UGGT1: variants seen among roughly 807,000 people sequenced by gnomAD.
UGGT1 encodes UDP-glucose:glycoprotein glucosyltransferase 1.
In UGGT1, 107 loss-of-function variants were observed where a neutral mutation model predicts 203.9. The observed-to-expected ratio is 0.52, with a 90% CI of 0.45 to 0.62. The LOEUF is 0.62. Among genes scored for constraint, UGGT1 ranks in the 20% least tolerant of loss-of-function variants. The probability of loss-of-function intolerance (pLI) is 0.00; values close to 1 mark genes in which losing one functional copy is unlikely to be tolerated. For missense variants in UGGT1, 1,673 were observed against 1,867.2 expected, an observed-to-expected ratio of 0.90 and a Z score of 1.92; for synonymous variants, 628 against 653.5, an observed-to-expected ratio of 0.96 and a Z score of 0.59.
intron 16 of UGGT1, 129 bp from the exon 17 acceptor site, chr2:128,142,965 A>G (rs1689510861): frequency 1.9e-6 from 2 of 1,034,626 alleles, no homozygotes; most frequent in Admixed American, 6.8e-5. Flanking sequence ...GGGTGACAGC[A>G]AAACTCCGTC....
rs1553440941 is a variant in UGGT1 at position 128,150,668 on chromosome 2, C to CTGT, written c.2017-2115_2017-2114insGTT. 4.5e-3 allele frequency among the ~76,000 whole-genome samples: 611 copies of CTGT among 136,708 alleles called. 2 individuals carry two copies. Among genetic ancestry groups the CTGT allele is most frequent in the African/African-American group, 0.016 (582 of 36,872 alleles). The allele number at this position is 136,708 out of a possible 152,430, so 89.7% of individuals were successfully genotyped here. A position where few individuals can be genotyped will look rare whatever the true frequency, so the allele number is the denominator to read the frequency against. On this transcript the variant is annotated intron_variant, in intron 18 of 40. Transcript: ENST00000259253. ...ATTATTTATTTTTTTTAATTAATAACTTTTTTTTTTTTTTTTACAAATGTT... is the reference window on the plus strand; with the variant it reads ...ATTATTTATTTTTTTTAATTAATAACTGTTTTTTTTTTTTTTTTTACAAATGTT...
intron 40 of UGGT1, among the ~76,000 whole-genome samples, chr2:128,189,048 T>C (rs1407954447): frequency 1.3e-5 from 2 of 152,168 alleles, no homozygotes; most frequent in African/African-American, 4.8e-5. Context: ...GAAACAGTAA[T>C]CAAATTAAAG....
chr2:128,101,473 T>C (rs546830363), intron 2 of UGGT1, among the ~76,000 whole-genome samples: 4 of 152,330 alleles, frequency 2.6e-5, no homozygotes, highest in East Asian at 1.9e-4. Context: ...ACACTAAATA[T>C]GTTTTCTGCA....
intron 22 of UGGT1, among the ~76,000 whole-genome samples, chr2:128,157,805 T>C (rs796201390): frequency 1.3e-5 from 2 of 152,304 alleles, no homozygotes; most frequent in Admixed American, 6.5e-5. Flanking sequence ...TGAAAAGATA[T>C]GCTGCCATTA....
chr2:128,104,853 G>A (rs1243718777), intron 3 of UGGT1, among the ~76,000 whole-genome samples: 2 of 151,932 alleles, frequency 1.3e-5, no homozygotes, highest in African/African-American at 4.8e-5. Flanking sequence ...CCCCATGTTG[G>A]CCAGGCTGGT....
chr2:128,145,807 C>G lies in UGGT1; in HGVS notation c.1856C>G (p.Ala619Gly), dbSNP rs1689658740. ...DSAYDRNRKE[A>G]RGYYEQTGVG... Reference sequence around the variant, plus strand: ...TTGTGGTTACTTGTGTTTCAGGAAGCAAGAGGCTACTATGAGCAGACTGGA... The same window carrying G: ...TTGTGGTTACTTGTGTTTCAGGAAGGAAGAGGCTACTATGAGCAGACTGGA... Residue 619 changes from alanine (A) to glycine (G), a missense_variant, in exon 18 of 41, where the codon GCA becomes GGA. Physicochemically the swap from Ala to Gly is moderately conservative, Grantham distance 60. Transcript: ENST00000259253. The G allele has an allele frequency of 1.3e-6, 2 of 1,562,200 alleles. No homozygotes were observed. The highest frequency in any genetic ancestry group is 2.0e-5 in the Admixed American group (1 of 51,132).
At chr2:128,169,795 A>G (rs1691002052) in intron 26 of UGGT1, among the ~76,000 whole-genome samples, 1 of 152,230 alleles carries the variant, frequency 6.6e-6, no homozygotes, top group Non-Finnish European at 1.5e-5. Flanking sequence ...GCTAATCTGT[A>G]TCTACAACTA....
At chr2:128,149,424 A>G (rs965390700) in intron 18 of UGGT1, among the ~76,000 whole-genome samples, 3 of 148,270 alleles carry the variant, frequency 2.0e-5, no homozygotes, top group Admixed American at 2.0e-4. Flanking sequence ...GCGGGCGGAT[A>G]ATGAGGTCAG....
intron 5 of UGGT1, among the ~76,000 whole-genome samples, chr2:128,110,170 T>G (rs1687781087): frequency 6.6e-6 from 1 of 152,208 alleles, no homozygotes; most frequent in Non-Finnish European, 1.5e-5. Context: ...AATTGCAGGC[T>G]TGATTTGAAT....
At chr2:128,154,282 T>C (rs574479860) in intron 19 of UGGT1, among the ~76,000 whole-genome samples, 1 of 152,200 alleles carries the variant, frequency 6.6e-6, no homozygotes, top group South Asian at 2.1e-4. Flanking sequence ...TTTATTTAAA[T>C]TTGAAGGGTT....
At chr2:128,161,117 C>T (rs200751828) in intron 24 of UGGT1, 21 bp from the exon 25 acceptor site, 28 of 1,612,856 alleles carry the variant, frequency 1.7e-5, no homozygotes, top group Non-Finnish European at 2.3e-5. Flanking sequence ...AGCTAAGCGC[C>T]TGCTCTTCTC....
intron 17 of UGGT1, chr2:128,145,590 TTGAACTCAGTAA>T: frequency 2.0e-6 from 1 of 489,886 alleles, no homozygotes; most frequent in Non-Finnish European, 3.4e-6. Context: ...TTGTAAAAAC[TTGAACTCAGTAA>T]TTCAATCTCA....
At chr2:128,162,706 C>T (rs1323962995) in intron 25 of UGGT1, among the ~76,000 whole-genome samples, 1 of 152,092 alleles carries the variant, frequency 6.6e-6, no homozygotes, top group African/African-American at 2.4e-5. Context: ...AGGAGGTACT[C>T]GTGACTCGAA....
At chr2:128,116,414 A>C in intron 8 of UGGT1, 71 bp downstream of exon 8, 1 of 986,550 alleles carries the variant, frequency 1.0e-6, no homozygotes, top group Non-Finnish European at 1.6e-6. Flanking sequence ...TTGCATTTTA[A>C]GCATCATCTT....
At chr2:128,178,429 G>C (rs769066630) in intron 33 of UGGT1, 39 bp from the exon 34 acceptor site, 2 of 1,533,742 alleles carry the variant, frequency 1.3e-6, no homozygotes, top group East Asian at 2.3e-5. Flanking sequence ...GTCTGTATGA[G>C]TGTTTCAAGT....
intron 15 of UGGT1, 77 bp downstream of exon 15, chr2:128,135,038 G>A (rs1224943625): frequency 8.0e-7 from 1 of 1,253,096 alleles, no homozygotes; most frequent in African/African-American, 1.5e-5. Context: ...CAAGTCTGGT[G>A]CTACTGAGTT....
intron 5 of UGGT1, among the ~76,000 whole-genome samples, chr2:128,110,794 C>T (rs1273654828): frequency 3.3e-5 from 5 of 152,066 alleles, no homozygotes; most frequent in Admixed American, 6.5e-5. Context: ...GGGTATACCT[C>T]GTTATTTTTA....
intron 25 of UGGT1, among the ~76,000 whole-genome samples, chr2:128,163,450 T>C (rs1043615789): frequency 7.3e-5 from 11 of 150,348 alleles, no homozygotes; most frequent in Middle Eastern, 6.4e-3. Context: ...GCGTGGTGGC[T>C]CACACCTGTA....
intron 18 of UGGT1, among the ~76,000 whole-genome samples, chr2:128,150,741 A>G (rs1341035429): frequency 6.8e-6 from 1 of 146,318 alleles, no homozygotes; most frequent in Non-Finnish European, 1.5e-5. Flanking sequence ...CATTCCAGCT[A>G]TAGGTGGCAA....
Sources: allele counts gnomAD v4.1 joint callset (sites outside exome capture counted in the v4.1 genomes callset), GRCh38; gene constraint gnomAD v4.1.1; transcripts MANE v1.5; gene names NCBI Gene and HGNC (gene_info 2026-07-23, HGNC 2026-07-21).